Variants in OPCML observed in about 807,000 individuals in gnomAD.
The protein encoded by OPCML is opioid-binding protein/cell adhesion molecule.
OPCML carries 13 observed loss-of-function variants against 37.8 expected under a neutral mutation model. That is an observed-to-expected ratio of 0.34 (90% CI 0.22 to 0.55). The LOEUF is 0.55. Among genes scored for constraint, OPCML ranks in the 20% least tolerant of loss-of-function variants. OPCML has a pLI of 0.91. For missense variants in OPCML, 341 were observed against 435.6 expected (o/e 0.78, Z 1.93); for synonymous variants, 176 against 168.8 (o/e 1.04, Z -0.33).
At chr11:133,238,315 G>A (rs1013693417) in intron 1 of OPCML, among the ~76,000 whole-genome samples, 5 of 152,298 alleles carry the variant, frequency 3.3e-5, no homozygotes, top group East Asian at 3.9e-4. Context: ...ATGCTGAGAT[G>A]TACTCTATGT....
chr11:132,503,838 T>C (rs1241389278), intron 4 of OPCML, among the ~76,000 whole-genome samples: 3 of 152,164 alleles, frequency 2.0e-5, no homozygotes, highest in African/African-American at 7.2e-5. Flanking sequence ...TTATTTAAAA[T>C]AGATATGGTT....
chr11:132,966,770 C>T (rs941595482), intron 1 of OPCML, among the ~76,000 whole-genome samples: 4 of 151,918 alleles, frequency 2.6e-5, no homozygotes, highest in Admixed American at 2.0e-4. Flanking sequence ...TTGTATATTC[C>T]TGATGGATTG....
chr11:132,940,974 G>A (rs186235891), intron 2 of OPCML, among the ~76,000 whole-genome samples: 1 of 151,970 alleles, frequency 6.6e-6, no homozygotes, highest in Non-Finnish European at 1.5e-5. Context: ...TGGGGTAAAT[G>A]TATAGAAGAG....
chr11:133,503,686 G>A (rs1947964591), intron 1 of OPCML, among the ~76,000 whole-genome samples: 3 of 152,210 alleles, frequency 2.0e-5, no homozygotes, highest in South Asian at 2.1e-4. Flanking sequence ...GGATCTATCC[G>A]GGTCAGGCTG....
At chr11:132,617,641 T>A (rs536401648) in intron 3 of OPCML, among the ~76,000 whole-genome samples, 1 of 152,306 alleles carries the variant, frequency 6.6e-6, no homozygotes, top group African/African-American at 2.4e-5. Flanking sequence ...AGAAATTTAT[T>A]TTCTTGTAGC....
At chr11:132,888,867 A>G (rs1190352000) in intron 2 of OPCML, among the ~76,000 whole-genome samples, 4 of 150,002 alleles carry the variant, frequency 2.7e-5, no homozygotes, top group African/African-American at 9.9e-5. Context: ...ACAAAAAAAA[A>G]AAAGAAAAAA....
chr11:133,433,251 C>CAAAAAAAAAAAAAAA lies in OPCML; in HGVS notation c.61+98998_61+99012dup, dbSNP rs71477795. ...TGGGCGACAGAGCGAGACTCCGTCT[C>CAAAAAAAAAAAAAAA]AAAAAAAAAAAAAAAAAAATATTAC... On this transcript the variant is annotated intron_variant, in intron 1 of 7. Transcript: ENST00000524381. Among the ~76,000 whole-genome samples, 553 of 90,574 alleles carry CAAAAAAAAAAAAAAA rather than the reference C, an allele frequency of 6.1e-3. 52 individuals are homozygous for CAAAAAAAAAAAAAAA. The highest frequency in any genetic ancestry group is 0.025 in the African/African-American group (534 of 21,698). 59.4% of individuals were successfully genotyped at this position (90,574 alleles called of 152,430 possible).
chr11:132,876,802 G>T (rs1014260372), intron 2 of OPCML, among the ~76,000 whole-genome samples: 1 of 152,186 alleles, frequency 6.6e-6, no homozygotes, highest in Non-Finnish European at 1.5e-5. Flanking sequence ...AGAACACAAT[G>T]CCATCAGGGA....
intron 2 of OPCML, among the ~76,000 whole-genome samples, chr11:132,920,409 A>G (rs933476715): frequency 7.2e-5 from 11 of 152,196 alleles, no homozygotes; most frequent in Non-Finnish European, 1.2e-4. Flanking sequence ...TCTAAACACT[A>G]AAACTAAAAG....
intron 1 of OPCML, among the ~76,000 whole-genome samples, chr11:133,100,855 A>G (rs551033502): frequency 6.6e-6 from 1 of 152,344 alleles, no homozygotes; most frequent in East Asian, 1.9e-4. Context: ...CGAAACTATA[A>G]AACGCCCAGG....
intron 2 of OPCML, among the ~76,000 whole-genome samples, chr11:132,859,811 T>C (rs1942220830): frequency 6.6e-6 from 1 of 152,226 alleles, no homozygotes; most frequent in Non-Finnish European, 1.5e-5. Context: ...GTATTTCACA[T>C]GTTCTTAATT....
Position 133,005,874 on chromosome 11 carries a change from G to A in OPCML, c.62-62864C>T, listed in dbSNP as rs530586411. Reference sequence around the variant, plus strand: ...ATCTATTTTTAATTTGCACTTAATTGCAGAATCCTGGAATTTCCAATCATC... The same window carrying A: ...ATCTATTTTTAATTTGCACTTAATTACAGAATCCTGGAATTTCCAATCATC... On this transcript the variant is annotated intron_variant, in intron 1 of 7. Transcript: ENST00000524381. 66 of 985,412 alleles carry A rather than the reference G, an allele frequency of 6.7e-5. 1 individual carries two copies. In the South Asian group the frequency reaches 1.9e-3, roughly 28 times the overall value. 61.0% of individuals were successfully genotyped at this position (985,412 alleles called of 1,614,324 possible).
chr11:132,439,601 T>C (rs1362298432), intron 4 of OPCML, among the ~76,000 whole-genome samples: 2 of 152,046 alleles, frequency 1.3e-5, no homozygotes, highest in African/African-American at 4.8e-5. Flanking sequence ...TTAAATGAAA[T>C]TTAACAAAGA....
At chr11:132,745,066 G>A (rs543379224) in intron 2 of OPCML, among the ~76,000 whole-genome samples, 6 of 152,216 alleles carry the variant, frequency 3.9e-5, no homozygotes, top group East Asian at 1.9e-4. Context: ...TCTTTTTCAC[G>A]CTCTCACACT....
chr11:132,682,428 C>G (rs1942988590), intron 2 of OPCML, among the ~76,000 whole-genome samples: 1 of 152,202 alleles, frequency 6.6e-6, no homozygotes, highest in South Asian at 2.1e-4. Context: ...TTTTCCTTCT[C>G]TTTGTTTTTA....
At chr11:133,151,043 G>A (rs1949975730) in intron 1 of OPCML, among the ~76,000 whole-genome samples, 2 of 151,904 alleles carry the variant, frequency 1.3e-5, no homozygotes, top group African/African-American at 4.8e-5. Flanking sequence ...GGGAGGCTGA[G>A]GTGAGCGGAT....
chr11:133,423,822 T>C (rs933910952), intron 1 of OPCML, among the ~76,000 whole-genome samples: 1 of 152,016 alleles, frequency 6.6e-6, no homozygotes, highest in Non-Finnish European at 1.5e-5. Context: ...TGGTAATGAG[T>C]TCATGAGAGA....
chr11:132,899,251 A>G (rs1262516000), intron 2 of OPCML, among the ~76,000 whole-genome samples: 1 of 152,192 alleles, frequency 6.6e-6, no homozygotes, highest in Non-Finnish European at 1.5e-5. Context: ...AGTAATTGTC[A>G]TGAGTATTTT....
intron 1 of OPCML, among the ~76,000 whole-genome samples, chr11:133,509,843 C>T (rs923457584): frequency 6.6e-6 from 1 of 152,194 alleles, no homozygotes; most frequent in East Asian, 1.9e-4. Flanking sequence ...ATTTACTCCA[C>T]GAGTTCTCAT....
Sources: gnomAD v4.1 joint callset for allele counts (sites outside exome capture counted in the v4.1 genomes callset) on GRCh38, gnomAD v4.1.1 for gene constraint, MANE v1.5 for transcripts, NCBI Gene and HGNC (gene_info 2026-07-23, HGNC 2026-07-21) for gene names.